The following PPIL3 variants were observed in gnomAD, a reference collection of about 807,000 sequenced individuals.
PPIL3 encodes peptidyl-prolyl cis-trans isomerase-like 3.
In PPIL3, 13 loss-of-function variants were observed where a neutral mutation model predicts 20.9. The observed-to-expected ratio is 0.62, with a 90% confidence interval of 0.40 to 0.99. The LOEUF (loss-of-function observed/expected upper bound fraction) is 0.99, where lower values mean the gene tolerates loss of function less well. PPIL3 is among the 50% of genes least tolerant of loss of function. PPIL3 has a pLI of 0.00. For missense variants in PPIL3, 170 were observed against 195.2 expected, an observed-to-expected ratio of 0.87 and a Z score of 0.77; for synonymous variants, 71 against 64.4, an observed-to-expected ratio of 1.10 and a Z score of -0.49.
chr2:200,881,879 T>C, intron 4 of PPIL3: 2 of 226,656 alleles, frequency 8.8e-6, no homozygotes, highest in Non-Finnish European at 1.7e-5. Context: ...AATTGCACCA[T>C]GTAATACTAT....
At chr2:200,880,580 C>G (rs1168334529) in intron 5 of PPIL3, among the ~76,000 whole-genome samples, 1 of 151,784 alleles carries the variant, frequency 6.6e-6, no homozygotes, top group African/African-American at 2.4e-5. Context: ...AGATGGGGGT[C>G]TCACTATGTT....
At chr2:200,881,159 C>T (rs2039706806) in intron 5 of PPIL3, among the ~76,000 whole-genome samples, 1 of 152,176 alleles carries the variant, frequency 6.6e-6, no homozygotes, top group Admixed American at 6.5e-5. Context: ...TGGTACACTA[C>T]TAGTTAAACA....
At chr2:200,883,161 C>T (rs1228141961) in intron 3 of PPIL3, among the ~76,000 whole-genome samples, 1 of 144,120 alleles carries the variant, frequency 6.9e-6, no homozygotes, top group Non-Finnish European at 1.5e-5. Flanking sequence ...CCTATGTTGC[C>T]CAGGCTGGTC....
chr2:200,885,383 T>TAATA (rs1190663545), intron 3 of PPIL3: 4 of 337,184 alleles, frequency 1.2e-5, no homozygotes, highest in African/African-American at 8.6e-5. Flanking sequence ...AAAAAAATAA[T>TAATA]AATAAATAAA....
chr2:200,880,369 TATA>T (rs372833616), intron 5 of PPIL3, among the ~76,000 whole-genome samples: 11 of 151,714 alleles, frequency 7.3e-5, no homozygotes, highest in Admixed American at 2.0e-4. Context: ...GTAATGGAAA[TATA>T]ATAATACACT....
chr2:200,876,543 A>AGTCTCACT (rs2039523856), intron 6 of PPIL3, among the ~76,000 whole-genome samples: 1 of 143,540 alleles, frequency 7.0e-6, no homozygotes, highest in South Asian at 2.2e-4. Flanking sequence ...TTTGAGGCAG[A>AGTCTCACT]GTCTCACTCT....
chr2:200,885,394 T>TA (rs200625911), intron 3 of PPIL3: 292 of 329,858 alleles, frequency 8.9e-4, no homozygotes, highest in Non-Finnish European at 1.1e-3. Flanking sequence ...AATAAATAAA[T>TA]AAAAAAAAAG....
intron 2 of PPIL3, among the ~76,000 whole-genome samples, chr2:200,886,438 T>G (rs995379046): frequency 2.0e-5 from 3 of 151,984 alleles, no homozygotes; most frequent in African/African-American, 7.3e-5. Context: ...CCTTTTTTTT[T>G]TTTTTGAGGT....
At chr2:200,882,309 G>A in intron 4 of PPIL3, 33 bp downstream of exon 4, 2 of 1,340,462 alleles carry the variant, frequency 1.5e-6, no homozygotes, top group South Asian at 1.2e-5. Context: ...TATACATTCA[G>A]TTCCTTAGAT....
chr2:200,880,423 T>TTTTTTTTTTTTTG (rs2039682590), intron 5 of PPIL3, among the ~76,000 whole-genome samples: 1 of 151,032 alleles, frequency 6.6e-6, no homozygotes, highest in Non-Finnish European at 1.5e-5. Flanking sequence ...TTTTTTTTTT[T>TTTTTTTTTTTTTG]GAGTGGGGTC....
At chr2:200,885,386 T>A (rs542025068) in intron 3 of PPIL3, 1 of 335,516 alleles carries the variant, frequency 3.0e-6, no homozygotes, top group Non-Finnish European at 5.3e-6. Context: ...AAAATAATAA[T>A]AAATAAATAA....
rs887621500 is a variant in PPIL3, at chr2:200,884,334, G to A, written c.78+1364C>T. ...GGAGAATCCCTTGGACCTGGGTGGC[G>A]GAGGTTGCAGTGACCCAAGATTGGG... On this transcript the variant is annotated intron_variant, in intron 3 of 6. Transcript: ENST00000392283. 2.2e-4 allele frequency among the ~76,000 whole-genome samples: 34 copies of A among 151,932 alleles called. 1 individual carries two copies. Among genetic ancestry groups the A allele is most frequent in the African/African-American group, 6.3e-4 (26 of 41,346 alleles).
chr2:200,888,054 CAAAAA>C (rs59288201), intron 1 of PPIL3, among the ~76,000 whole-genome samples: 5 of 103,072 alleles, frequency 4.9e-5, no homozygotes, highest in African/African-American at 1.5e-4. Flanking sequence ...GAGACTCCGT[CAAAAA>C]AAAAAAAAAA....
At position 200,882,329 on chromosome 2, in the gene PPIL3, T is replaced by C. The variant is rs376398473; in HGVS notation, c.172+13A>G. 8.6e-6 allele frequency: 13 copies of C among 1,508,196 alleles called. No individual in the cohort carries two copies. In the African/African-American group the frequency reaches 1.4e-4, roughly 16 times the overall value. 93.4% of individuals were successfully genotyped at this position (1,508,196 alleles called of 1,614,324 possible). A position where few individuals can be genotyped will look rare whatever the true frequency, so the allele number is the denominator to read the frequency against. On this transcript the variant is annotated intron_variant, in intron 4 of 6. Transcript: ENST00000392283. ...ATTCAGTTCCTTAGATCTTGGTTAA[T>C]GGAATAACTTACCTGTTGGATCTCC...
At chr2:200,884,514 G>A (rs1009989695) in intron 3 of PPIL3, among the ~76,000 whole-genome samples, 2 of 152,152 alleles carry the variant, frequency 1.3e-5, no homozygotes, top group South Asian at 2.1e-4. Context: ...GAGATGGGAC[G>A]ATGGCTGGAG....
intron 5 of PPIL3, among the ~76,000 whole-genome samples, chr2:200,878,453 A>G (rs2039601693): frequency 6.7e-6 from 1 of 150,292 alleles, no homozygotes; most frequent in African/African-American, 2.5e-5. Flanking sequence ...GCAGTGGTGC[A>G]ATCATAGCTC....
chr2:200,882,341 C>T lies in PPIL3; in HGVS notation c.172+1G>A, dbSNP rs765797229. 2 of 1,559,646 alleles carry T rather than the reference C, an allele frequency of 1.3e-6. No homozygotes were observed. The highest frequency in any genetic ancestry group is 1.4e-5 in the African/African-American group (1 of 73,812). ...AGATCTTGGTTAATGGAATAACTTA[C>T]CTGTTGGATCTCCTGTTTGAACCAT... is the stretch of plus-strand genomic sequence containing the variant. On this transcript the variant is annotated splice_donor_variant, in intron 4 of 6. Transcript: ENST00000392283. LOFTEE classifies it high-confidence loss of function.
Position 200,881,490 on chromosome 2 carries a change from T to C in PPIL3, c.173-2A>G, listed in dbSNP as rs1312864857. 1 of 1,611,078 alleles carries C rather than the reference T, an allele frequency of 6.2e-7. No individual in the cohort carries two copies. The stretch of plus-strand genomic sequence containing the variant: ...TACTGTTGCCTCCTCTTCCAGTTCC[T>C]ACATTACAAGTGAAGCAAATCAAAA... On this transcript the variant is annotated splice_acceptor_variant, in intron 4 of 6. Transcript: ENST00000392283. LOFTEE classifies it high-confidence loss of function.
chr2:200,875,329 G>A (rs921308441), intron 6 of PPIL3, among the ~76,000 whole-genome samples: 5 of 151,820 alleles, frequency 3.3e-5, no homozygotes, highest in Admixed American at 1.3e-4. Flanking sequence ...GTGCAGTGGC[G>A]CAATCTTGGC....
Sources: gnomAD v4.1 joint callset for allele counts (sites outside exome capture counted in the v4.1 genomes callset) on GRCh38, gnomAD v4.1.1 for gene constraint, MANE v1.5 for transcripts, NCBI Gene and HGNC (gene_info 2026-07-23, HGNC 2026-07-21) for gene names.